HS3ST4: variants seen among roughly 807,000 people sequenced by gnomAD.
HS3ST4 encodes the protein heparan sulfate-glucosamine 3-sulfotransferase 4, also known as heparan sulfate glucosamine 3-O-sulfotransferase 4.
HS3ST4 carries 17 observed loss-of-function variants against 29.2 expected under a neutral mutation model. The ratio of observed to expected loss-of-function variants is 0.58; its 90% CI spans 0.40 to 0.87. The LOEUF is 0.87. HS3ST4 is among the 40% of genes least tolerant of loss of function. The probability of loss-of-function intolerance (pLI) is 0.00; values close to 1 mark genes in which losing one functional copy is unlikely to be tolerated. For synonymous variants in HS3ST4, 314 were observed against 285.7 expected, an observed-to-expected ratio of 1.10 and a Z score of -1.00; for missense variants, 627 against 634.5, an observed-to-expected ratio of 0.99 and a Z score of 0.13.
At chr16:26,126,567 G>A (rs1286122049) in intron 1 of HS3ST4, among the ~76,000 whole-genome samples, 2 of 152,194 alleles carry the variant, frequency 1.3e-5, no homozygotes, top group Non-Finnish European at 2.9e-5. Context: ...CTAATGAAGG[G>A]CAGAGCCTAG....
chr16:25,819,530 G>A (rs904768965), intron 1 of HS3ST4, among the ~76,000 whole-genome samples: 14 of 152,138 alleles, frequency 9.2e-5, no homozygotes, highest in Admixed American at 7.9e-4. Context: ...ATGCACGGCC[G>A]TCTGTTTTGC....
chr16:25,711,197 G>C lies in HS3ST4; in HGVS notation c.734+18046G>C, dbSNP rs117009411. On this transcript the variant is annotated intron_variant, in intron 1 of 1. Transcript: ENST00000331351. ...AAGACTTTGGCGATGTCTACTTACTGTCGTTTGGTTTAAAGGTCTCAGCAC... is the reference window on the plus strand; with the variant it reads ...AAGACTTTGGCGATGTCTACTTACTCTCGTTTGGTTTAAAGGTCTCAGCAC... Among the ~76,000 whole-genome samples the C allele has an allele frequency of 2.2e-3, 332 of 152,100 alleles. 8 individuals carry two copies. The East Asian group carries it at 0.055, about 25-fold the overall frequency.
chr16:25,757,219 G>C (rs1434005135), intron 1 of HS3ST4, among the ~76,000 whole-genome samples: 2 of 152,120 alleles, frequency 1.3e-5, no homozygotes, highest in African/African-American at 4.8e-5. Flanking sequence ...TATTAGACTA[G>C]ATCCCAGTAC....
rs541471093 is a variant in HS3ST4 at position 26,001,419 on chromosome 16, A to G, written c.735-134193A>G. ...ATAGGTAAATCTAGATAAAACATAT[A>G]CAGGGTTTTTTTTGTATTATGTTTA... On this transcript the variant is annotated intron_variant, in intron 1 of 1. Coordinates refer to ENST00000331351, the MANE Select transcript of HS3ST4 (RefSeq NM_006040.3). Among the ~76,000 whole-genome samples the G allele has an allele frequency of 2.1e-3, 323 of 152,314 alleles. 2 individuals carry two copies. The highest frequency in any genetic ancestry group is 7.6e-3 in the African/African-American group (318 of 41,576).
chr16:25,797,171 G>A (rs530926577), intron 1 of HS3ST4, among the ~76,000 whole-genome samples: 12 of 152,212 alleles, frequency 7.9e-5, no homozygotes, highest in East Asian at 1.9e-4. Context: ...CCATTGTTTC[G>A]AATTTGAGAA....
chr16:25,767,278 C>T (rs1966826494), intron 1 of HS3ST4, among the ~76,000 whole-genome samples: 1 of 152,186 alleles, frequency 6.6e-6, no homozygotes, highest in South Asian at 2.1e-4. Flanking sequence ...GGGGTTTTAT[C>T]ATCCAGTGTT....
intron 1 of HS3ST4, among the ~76,000 whole-genome samples, chr16:25,856,666 G>T (rs1345878256): frequency 6.6e-6 from 1 of 152,104 alleles, no homozygotes; most frequent in Non-Finnish European, 1.5e-5. Context: ...ATCACACAAA[G>T]AAATCTCAAA....
intron 1 of HS3ST4, among the ~76,000 whole-genome samples, chr16:25,873,413 T>TCCAC (rs1169196997): frequency 1.4e-5 from 1 of 69,696 alleles, no homozygotes; most frequent in Non-Finnish European, 3.1e-5. Context: ...CATCCATCCA[T>TCCAC]CCACCCATCC....
chr16:25,984,942 T>C (rs1339215627), intron 1 of HS3ST4, among the ~76,000 whole-genome samples: 2 of 152,200 alleles, frequency 1.3e-5, no homozygotes, highest in African/African-American at 4.8e-5. Flanking sequence ...TCTAACCTCT[T>C]GGCCTGGTCC....
intron 1 of HS3ST4, among the ~76,000 whole-genome samples, chr16:25,878,965 G>T (rs1284121679): frequency 1.3e-5 from 2 of 152,044 alleles, no homozygotes; most frequent in African/African-American, 4.8e-5. Flanking sequence ...GTCTGCTTCA[G>T]GAAAAAACAG....
chr16:25,983,963 T>C (rs1238309848), intron 1 of HS3ST4, among the ~76,000 whole-genome samples: 1 of 152,156 alleles, frequency 6.6e-6, no homozygotes, highest in Non-Finnish European at 1.5e-5. Flanking sequence ...AATTGACTAA[T>C]GATAATTGTA....
At chr16:25,855,941 C>G (rs1454547376) in intron 1 of HS3ST4, among the ~76,000 whole-genome samples, 1 of 152,040 alleles carries the variant, frequency 6.6e-6, no homozygotes, top group African/African-American at 2.4e-5. Context: ...AGAGAATGCC[C>G]TTTCCCCAGC....
chr16:26,050,617 C>T (rs138653349), intron 1 of HS3ST4, among the ~76,000 whole-genome samples: 2 of 152,188 alleles, frequency 1.3e-5, no homozygotes, highest in African/African-American at 2.4e-5. Flanking sequence ...GTCAAAGACT[C>T]GCATGTGATT....
intron 1 of HS3ST4, among the ~76,000 whole-genome samples, chr16:25,780,508 CATT>C (rs1966851686): frequency 6.6e-6 from 1 of 152,102 alleles, no homozygotes; most frequent in Non-Finnish European, 1.5e-5. Context: ...AATAAAGGAT[CATT>C]ATTATTTTTA....
intron 1 of HS3ST4, among the ~76,000 whole-genome samples, chr16:26,131,346 A>C (rs1267071310): frequency 6.6e-6 from 1 of 152,230 alleles, no homozygotes; most frequent in South Asian, 2.1e-4. Flanking sequence ...TTCTCATCAC[A>C]TGAGGAAAAC....
intron 1 of HS3ST4, among the ~76,000 whole-genome samples, chr16:25,863,751 A>G (rs1240967942): frequency 6.6e-6 from 1 of 152,226 alleles, no homozygotes; most frequent in Non-Finnish European, 1.5e-5. Flanking sequence ...TTTAATGTCA[A>G]CTGAACAAAG....
chr16:26,128,726 A>C (rs1328335853), intron 1 of HS3ST4, among the ~76,000 whole-genome samples: 2 of 152,186 alleles, frequency 1.3e-5, no homozygotes, highest in Non-Finnish European at 1.5e-5. Context: ...CAGTTTTTGC[A>C]TCTCTATAAT....
At chr16:26,035,317 C>T (rs1213075477) in intron 1 of HS3ST4, among the ~76,000 whole-genome samples, 1 of 152,214 alleles carries the variant, frequency 6.6e-6, no homozygotes, top group African/African-American at 2.4e-5. Context: ...TCAGAGTTAT[C>T]ATCTACTCAT....
At chr16:26,099,524 T>C (rs1274808850) in intron 1 of HS3ST4, among the ~76,000 whole-genome samples, 2 of 152,168 alleles carry the variant, frequency 1.3e-5, no homozygotes, top group African/African-American at 2.4e-5. Flanking sequence ...AGAACCAATC[T>C]TGGATAAAGT....
Sources: allele counts gnomAD v4.1 joint callset (sites outside exome capture counted in the v4.1 genomes callset), GRCh38; gene constraint gnomAD v4.1.1; transcripts MANE v1.5; gene names NCBI Gene and HGNC (gene_info 2026-07-23, HGNC 2026-07-21).